POU2AF1: variants seen among roughly 807,000 people sequenced by gnomAD.
POU2AF1 encodes POU class 2 homeobox associating factor 1, also known as POU domain class 2-associating factor 1.
In POU2AF1, 12 loss-of-function variants were observed where a neutral mutation model predicts 26.3. The observed-to-expected ratio is 0.46, with a 90% CI of 0.29 to 0.74. The LOEUF (loss-of-function observed/expected upper bound fraction) is 0.74, where lower values mean the gene tolerates loss of function less well. POU2AF1 is among the 30% of genes least tolerant of loss of function. POU2AF1 has a pLI of 0.09. For synonymous variants in POU2AF1, 175 were observed against 148.0 expected (o/e 1.18, Z -1.32); for missense variants, 297 against 334.5 (o/e 0.89, Z 0.87).
At chr11:111,359,038 C>T (rs1441574960) in intron 1 of POU2AF1, 120 bp from the exon 2 acceptor site, 3 of 1,443,464 alleles carry the variant, frequency 2.1e-6, no homozygotes, top group African/African-American at 1.4e-5. Context: ...CGGAGAACCA[C>T]GTGACACTTC....
In POU2AF1 at chr11:111,353,779, C is replaced by A; in HGVS notation, c.*482G>T. ...AATGAAATGTGACAGAAATGAAAGC[C>A]CATGGACCACAGACTTGGCAACATT... is the stretch of plus-strand genomic sequence containing the variant. On this transcript the variant is annotated 3_prime_UTR_variant, in exon 5 of 5. Transcript: ENST00000393067. 1 of 255,632 alleles carries A rather than the reference C, an allele frequency of 3.9e-6. No individual in the cohort carries two copies. Among genetic ancestry groups the A allele is most frequent in the South Asian group, 1.3e-4 (1 of 7,434 alleles). 15.8% of individuals were successfully genotyped at this position (255,632 alleles called of 1,614,324 possible). A position where few individuals can be genotyped will look rare whatever the true frequency, so the allele number is the denominator to read the frequency against.
intron 1 of POU2AF1, among the ~76,000 whole-genome samples, chr11:111,378,195 A>ATATC (rs1390484554): frequency 6.6e-6 from 1 of 152,242 alleles, no homozygotes; most frequent in Non-Finnish European, 1.5e-5. Flanking sequence ...ATTCCCTAAT[A>ATATC]TATCTTCTTC....
intron 1 of POU2AF1, among the ~76,000 whole-genome samples, chr11:111,374,688 C>CT (rs1861276334): frequency 6.6e-6 from 1 of 152,086 alleles, no homozygotes; most frequent in South Asian, 2.1e-4. Flanking sequence ...GAGCAAGACT[C>CT]TATCTCAAAA....
At chr11:111,378,001 C>T (rs1861342443) in intron 1 of POU2AF1, 1 of 167,424 alleles carries the variant, frequency 6.0e-6, no homozygotes, top group African/African-American at 2.4e-5. Context: ...TGGGTCTTCA[C>T]AACCTGAGAA....
intron 1 of POU2AF1, among the ~76,000 whole-genome samples, chr11:111,376,441 ACTT>A (rs1252850514): frequency 6.6e-6 from 1 of 152,156 alleles, no homozygotes. Flanking sequence ...AGATGGAGTG[ACTT>A]CTTCATCCAA....
Position 111,378,634 on chromosome 11 carries a change from G to A in POU2AF1, c.16+528C>T, listed in dbSNP as rs75113645. Reference sequence around the variant, plus strand: ...AAGACAGTGGAGCAAGTGAGGACACGCTTCACCGAGCCAGATCTCCACTCC... The same window carrying A: ...AAGACAGTGGAGCAAGTGAGGACACACTTCACCGAGCCAGATCTCCACTCC... On this transcript the variant is annotated intron_variant, in intron 1 of 4. Transcript: ENST00000393067. Among the ~76,000 whole-genome samples, 116 of 151,856 alleles carry A rather than the reference G, an allele frequency of 7.6e-4. 1 individual carries two copies. The East Asian group carries it at 0.021, about 27-fold the overall frequency.
chr11:111,356,207 G>C (rs998095620), intron 4 of POU2AF1, among the ~76,000 whole-genome samples: 1 of 152,204 alleles, frequency 6.6e-6, no homozygotes, highest in African/African-American at 2.4e-5. Flanking sequence ...GTAATGAAAT[G>C]GGTGGGAGCC....
rs1860780221 is a variant in POU2AF1, at chr11:111,353,674, A to G, written c.*587T>C. On this transcript the variant is annotated 3_prime_UTR_variant, in exon 5 of 5. Coordinates refer to ENST00000393067, the MANE Select transcript of POU2AF1 (RefSeq NM_006235.3). ...GGCTGGTCTTCCCGCCGGCCACCAC[A>G]TACATCTTAAAATTACAGAGGGTGT... 1 of 234,342 alleles carries G rather than the reference A, an allele frequency of 4.3e-6. No homozygotes were observed. The highest frequency in any genetic ancestry group is 2.2e-5 in the African/African-American group (1 of 45,350). The allele number at this position is 234,342 out of a possible 1,614,324, so 14.5% of individuals were successfully genotyped here.
At chr11:111,368,613 G>T (rs1051236805) in intron 1 of POU2AF1, among the ~76,000 whole-genome samples, 3 of 152,186 alleles carry the variant, frequency 2.0e-5, no homozygotes, top group African/African-American at 7.2e-5. Flanking sequence ...CTAAGCGAGG[G>T]CCCTCTTCAA....
At chr11:111,369,884 T>A (rs1194509822) in intron 1 of POU2AF1, among the ~76,000 whole-genome samples, 1 of 152,166 alleles carries the variant, frequency 6.6e-6, no homozygotes, top group African/African-American at 2.4e-5. Context: ...TAACCTGTGG[T>A]TAGGCAGCTG....
At chr11:111,363,506 A>C in intron 1 of POU2AF1, 1 of 1,000,654 alleles carries the variant, frequency 1.0e-6, no homozygotes, top group African/African-American at 1.7e-5. Flanking sequence ...CCAGCATGAG[A>C]ACTGAGCCCA....
chr11:111,375,638 A>T (rs1861297135), intron 1 of POU2AF1, among the ~76,000 whole-genome samples: 1 of 152,016 alleles, frequency 6.6e-6, no homozygotes, highest in Admixed American at 6.5e-5. Context: ...TGACCTCGTG[A>T]TCTGCCCGCC....
intron 1 of POU2AF1, among the ~76,000 whole-genome samples, chr11:111,362,188 A>G (rs746736404): frequency 7.9e-5 from 12 of 152,212 alleles, no homozygotes; most frequent in Non-Finnish European, 1.5e-4. Context: ...TTATGAGTAC[A>G]TAGTCAGTGT....
intron 1 of POU2AF1, among the ~76,000 whole-genome samples, 163 bp from the exon 2 acceptor site, chr11:111,359,081 T>C (rs1477154941): frequency 2.0e-5 from 3 of 152,210 alleles, no homozygotes; most frequent in African/African-American, 7.2e-5. Context: ...TCACTCCTCC[T>C]ACTCCCAAAC....
chr11:111,372,550 A>G lies in POU2AF1; in HGVS notation c.16+6612T>C, dbSNP rs80124475. On this transcript the variant is annotated intron_variant, in intron 1 of 4. Transcript: ENST00000393067. ...GCAGGCCAACACTTGAGGTCTGTTCACATGAATTTTGCTTTGTAGGAGAGT... is the reference window on the plus strand; with the variant it reads ...GCAGGCCAACACTTGAGGTCTGTTCGCATGAATTTTGCTTTGTAGGAGAGT... Among the ~76,000 whole-genome samples the G allele has an allele frequency of 3.1e-3, 478 of 152,366 alleles. 2 individuals are homozygous for G. The highest frequency in any genetic ancestry group is 0.011 in the African/African-American group (449 of 41,586).
chr11:111,364,819 G>GAC (rs1372856949), intron 1 of POU2AF1, among the ~76,000 whole-genome samples: 1 of 152,236 alleles, frequency 6.6e-6, no homozygotes, highest in Non-Finnish European at 1.5e-5. Flanking sequence ...GCACCACAGT[G>GAC]AGGGATGGAG....
chr11:111,361,391 T>A (rs1265865466), intron 1 of POU2AF1, among the ~76,000 whole-genome samples: 1 of 152,200 alleles, frequency 6.6e-6, no homozygotes, highest in African/African-American at 2.4e-5. Context: ...TGTATTCAAA[T>A]CTGGGCTGTC....
Position 111,354,349 on chromosome 11 carries a change from C to A in POU2AF1, c.683G>T (p.Ser228Ile). 6.2e-7 allele frequency: 1 copy of A among 1,614,242 alleles called. No individual in the cohort carries two copies. Among genetic ancestry groups the A allele is most frequent in the Non-Finnish European group, 8.5e-7 (1 of 1,180,042 alleles). Residue 228 changes from serine (S) to isoleucine (I), a missense_variant, in exon 5 of 5, where the codon AGC becomes ATC. Transcript: ENST00000393067. ...QDMEDPRRAA[S>I]SLTIDKLLLE... ...AAGCAGCTTGTCGATGGTCAACGAG[C>A]TGGCGGCTCTTCTGGGGTCTTCCAT...
chr11:111,363,520 A>C, intron 1 of POU2AF1: 1 of 990,666 alleles, frequency 1.0e-6, no homozygotes, highest in Non-Finnish European at 1.2e-6. Flanking sequence ...GAGCCCACAA[A>C]TACAAATTTG....
Sources: allele counts gnomAD v4.1 joint callset (sites outside exome capture counted in the v4.1 genomes callset), GRCh38; gene constraint gnomAD v4.1.1; transcripts MANE v1.5; gene names NCBI Gene and HGNC (gene_info 2026-07-23, HGNC 2026-07-21).